Variants in GPR89A observed in about 807,000 individuals in gnomAD.
GPR89A encodes the protein G protein-coupled receptor 89A.
Under a neutral mutation model 52.0 loss-of-function variants are expected in GPR89A, and 16 were observed. The observed-to-expected ratio is 0.31, with a 90% CI of 0.21 to 0.47. The LOEUF is 0.47. GPR89A is among the 20% of genes least tolerant of loss of function. The probability of loss-of-function intolerance (pLI) is 1.00; values close to 1 mark genes in which losing one functional copy is unlikely to be tolerated. For missense variants in GPR89A, 135 were observed against 449.4 expected (o/e 0.30, Z 6.33); for synonymous variants, 55 against 150.9 (o/e 0.36, Z 4.66).
chr1:145,628,479 T>G (rs1649661049), intron 5 of GPR89A, among the ~76,000 whole-genome samples: 1 of 151,786 alleles, frequency 6.6e-6, no homozygotes, highest in Non-Finnish European at 1.5e-5. Flanking sequence ...GTCGTAGTGG[T>G]TAAAGCCCAG....
chr1:145,633,742 T>C (rs1650027670), intron 7 of GPR89A, among the ~76,000 whole-genome samples: 1 of 118,682 alleles, frequency 8.4e-6, no homozygotes, highest in Non-Finnish European at 1.7e-5. Flanking sequence ...ATGTGTATTT[T>C]AGGATTATTT....
chr1:145,608,299 C>T (rs782070125), intron 1 of GPR89A, 124 bp downstream of exon 1: 7 of 1,351,092 alleles, frequency 5.2e-6, no homozygotes, highest in Non-Finnish European at 6.3e-6. Flanking sequence ...GCGCTAGTCA[C>T]TCTGGCACCC....
At chr1:145,663,181 A>G in intron 10 of GPR89A, 148 bp from the exon 11 acceptor site, 3 of 1,238,512 alleles carry the variant, frequency 2.4e-6, no homozygotes, top group Non-Finnish European at 2.2e-6. Flanking sequence ...GATTTCCTAT[A>G]TATGATTTGG....
intron 9 of GPR89A, 150 bp from the exon 10 acceptor site, chr1:145,647,025 T>C: frequency 8.3e-7 from 1 of 1,202,406 alleles, no homozygotes; most frequent in East Asian, 2.6e-5. Context: ...CAGTAAATGC[T>C]GGCCACAACT....
At chr1:145,651,800 CTGT>C (rs781954404) in intron 10 of GPR89A, among the ~76,000 whole-genome samples, 16 of 150,700 alleles carry the variant, frequency 1.1e-4, no homozygotes, top group East Asian at 7.8e-4. Context: ...CTCTGCTTGT[CTGT>C]TGTTGGTGTA....
At chr1:145,619,464 T>C (rs1444251084) in intron 3 of GPR89A, among the ~76,000 whole-genome samples, 9 of 151,710 alleles carry the variant, frequency 5.9e-5, no homozygotes, top group East Asian at 5.9e-4. Context: ...TAAAAAAAAT[T>C]AGCAGAGTGT....
At chr1:145,641,752 A>G (rs1650669947) in intron 7 of GPR89A, among the ~76,000 whole-genome samples, 1 of 151,634 alleles carries the variant, frequency 6.6e-6, no homozygotes, top group Non-Finnish European at 1.5e-5. Flanking sequence ...TAACAAATAG[A>G]TAATTCCTTG....
intron 2 of GPR89A, among the ~76,000 whole-genome samples, chr1:145,617,141 A>T (rs1391921390): frequency 6.6e-6 from 1 of 152,140 alleles, no homozygotes; most frequent in Non-Finnish European, 1.5e-5. Flanking sequence ...TCTCAACCGC[A>T]TAAGACAGAC....
chr1:145,664,374 C>T (rs1458097235), intron 11 of GPR89A, among the ~76,000 whole-genome samples: 6 of 152,188 alleles, frequency 3.9e-5, no homozygotes, highest in South Asian at 2.1e-4. Flanking sequence ...TTACAGGCCA[C>T]GCACTACTGT....
intron 10 of GPR89A, among the ~76,000 whole-genome samples, chr1:145,650,909 A>C (rs587596296): frequency 1.2e-4 from 18 of 151,900 alleles, no homozygotes; most frequent in Non-Finnish European, 2.2e-4. Flanking sequence ...TGTCAGATGG[A>C]TAGATTGCAA....
intron 5 of GPR89A, among the ~76,000 whole-genome samples, chr1:145,625,298 C>G (rs1649419044): frequency 7.0e-6 from 1 of 143,010 alleles, no homozygotes; most frequent in African/African-American, 2.6e-5. Context: ...CTGCTGCTCT[C>G]TATACATGTT....
intron 10 of GPR89A, among the ~76,000 whole-genome samples, chr1:145,661,079 G>A (rs1250238300): frequency 6.6e-6 from 1 of 151,176 alleles, no homozygotes; most frequent in East Asian, 1.9e-4. Context: ...ATGATAGACT[G>A]GATTAAGAAA....
chr1:145,626,179 C>T (rs1490856235), intron 5 of GPR89A, among the ~76,000 whole-genome samples: 7 of 150,566 alleles, frequency 4.6e-5, no homozygotes, highest in South Asian at 2.1e-4. Context: ...TTATCTGTGA[C>T]GGTAGAAGTC....
chr1:145,650,624 T>G (rs1651382584), intron 10 of GPR89A, among the ~76,000 whole-genome samples: 1 of 151,170 alleles, frequency 6.6e-6, no homozygotes, highest in South Asian at 2.1e-4. Context: ...CGTTCCTATT[T>G]CTCTGTAGCC....
intron 7 of GPR89A, among the ~76,000 whole-genome samples, chr1:145,638,527 T>G (rs587710342): frequency 5.5e-5 from 8 of 146,606 alleles, no homozygotes; most frequent in Non-Finnish European, 1.2e-4. Flanking sequence ...AGTAAATATT[T>G]TTTTAAAAAA....
rs1217984296 is a variant in GPR89A at position 145,641,844 on chromosome 1, T to G, written c.618-2025T>G. ...AGATGAAGGTGATCTAATTCTATAG[T>G]ACCTCATATGGTTGGGTGGTTTTTT... On this transcript the variant is annotated intron_variant, in intron 7 of 13. Coordinates refer to ENST00000313835, the MANE Select transcript of GPR89A (RefSeq NM_001097612.2). 2.6e-5 allele frequency among the ~76,000 whole-genome samples: 4 copies of G among 151,960 alleles called. No homozygotes were observed. In the East Asian group the frequency reaches 7.7e-4, roughly 29 times the overall value.
At chr1:145,616,882 T>G (rs1648744935) in intron 2 of GPR89A, among the ~76,000 whole-genome samples, 1 of 152,048 alleles carries the variant, frequency 6.6e-6, no homozygotes, top group Admixed American at 6.6e-5. Context: ...GGAGGGAGTG[T>G]ACGAATAGGG....
At chr1:145,619,393 T>G (rs1347395323) in intron 3 of GPR89A, among the ~76,000 whole-genome samples, 3 of 148,356 alleles carry the variant, frequency 2.0e-5, no homozygotes, top group African/African-American at 7.4e-5. Context: ...GAGGATCACT[T>G]AAGTGCAGGG....
intron 3 of GPR89A, 127 bp from the exon 4 acceptor site, chr1:145,622,927 T>C: frequency 2.1e-6 from 3 of 1,435,478 alleles, no homozygotes; most frequent in Admixed American, 4.4e-5. Flanking sequence ...AAGAGCCTAG[T>C]AGGCTGATTA....
Sources: gnomAD v4.1 joint callset for allele counts (sites outside exome capture counted in the v4.1 genomes callset) on GRCh38, gnomAD v4.1.1 for gene constraint, MANE v1.5 for transcripts, NCBI Gene and HGNC (gene_info 2026-07-23, HGNC 2026-07-21) for gene names.